MARCHF1: variants seen among roughly 807,000 people sequenced by gnomAD.
MARCHF1 encodes the protein membrane associated ring-CH-type finger 1.
A neutral mutation model predicts 54.2 loss-of-function variants in MARCHF1; 40 were observed. The observed-to-expected ratio is 0.74, with a 90% CI of 0.57 to 0.96. The LOEUF is 0.96. MARCHF1 is among the 40% of genes least tolerant of loss of function. The probability of loss-of-function intolerance (pLI) is 0.00; values close to 1 mark genes in which losing one functional copy is unlikely to be tolerated. For synonymous variants in MARCHF1, 236 were observed against 236.3 expected (o/e 1.00, Z 0.01); for missense variants, 586 against 656.5 (o/e 0.89, Z 1.17).
At chr4:164,308,663 C>T (rs979831445) in intron 1 of MARCHF1, among the ~76,000 whole-genome samples, 3 of 151,604 alleles carry the variant, frequency 2.0e-5, no homozygotes, top group Admixed American at 6.6e-5. Context: ...AACTTGAAAA[C>T]CTCTTAAAAT....
intron 4 of MARCHF1, among the ~76,000 whole-genome samples, chr4:163,804,269 G>T (rs761366455): frequency 2.0e-4 from 31 of 152,144 alleles, no homozygotes; most frequent in Non-Finnish European, 3.5e-4. Context: ...TAAAAAGCAA[G>T]CACACCAAAT....
chr4:163,967,626 AG>A (rs1752468732), intron 3 of MARCHF1, among the ~76,000 whole-genome samples: 1 of 152,158 alleles, frequency 6.6e-6, no homozygotes, highest in Non-Finnish European at 1.5e-5. Context: ...TGTCTTAGTC[AG>A]GGCTCTCCAG....
chr4:164,185,527 G>T (rs59324965), intron 1 of MARCHF1, among the ~76,000 whole-genome samples: 23,762 of 151,958 alleles, frequency 0.16, 2,628 homozygotes, highest in African/African-American at 0.3. Context: ...ATTAAGTACT[G>T]AGAGACATAA....
At chr4:164,295,207 T>G (rs1301395613) in intron 1 of MARCHF1, among the ~76,000 whole-genome samples, 2 of 152,216 alleles carry the variant, frequency 1.3e-5, no homozygotes, top group Non-Finnish European at 2.9e-5. Context: ...CAAAATCTGT[T>G]TGTGTACAAT....
At chr4:163,840,575 A>G (rs1260662314) in intron 4 of MARCHF1, among the ~76,000 whole-genome samples, 2 of 152,064 alleles carry the variant, frequency 1.3e-5, no homozygotes, top group Non-Finnish European at 2.9e-5. Flanking sequence ...GCAGAATAAA[A>G]GTATGATCTC....
rs1181530340 is a variant in MARCHF1, at chr4:164,051,458, CTG to C, written c.-248+60128_-248+60129del. On this transcript the variant is annotated intron_variant, in intron 2 of 9. Coordinates refer to ENST00000514618, the MANE Select transcript of MARCHF1 (RefSeq NM_001394959.1). ...GGTAGCAAATAAACCAAAATAGCAA[CTG>C]TGATTTCTACCTGGTGGGAGAATCC... Among the ~76,000 whole-genome samples, 9 of 152,124 alleles carry C rather than the reference CTG, an allele frequency of 5.9e-5. No individual in the cohort carries two copies. In the East Asian group the frequency reaches 1.5e-3, roughly 26 times the overall value.
chr4:164,258,102 G>A (rs903462199), intron 1 of MARCHF1, among the ~76,000 whole-genome samples: 19 of 152,192 alleles, frequency 1.2e-4, no homozygotes, highest in Non-Finnish European at 2.4e-4. Context: ...GTCCTTTGCA[G>A]GGACATGGAT....
At chr4:163,902,797 T>C (rs1750970432) in intron 3 of MARCHF1, among the ~76,000 whole-genome samples, 1 of 152,202 alleles carries the variant, frequency 6.6e-6, no homozygotes, top group Non-Finnish European at 1.5e-5. Context: ...TAAATGCTTT[T>C]TTTAGCCTCC....
chr4:164,225,976 A>G (rs75764592), intron 1 of MARCHF1, among the ~76,000 whole-genome samples: 1 of 152,212 alleles, frequency 6.6e-6, no homozygotes, highest in East Asian at 1.9e-4. Context: ...CAATATTACT[A>G]GTATATCAAG....
Position 164,382,492 on chromosome 4 carries a change from A to G in MARCHF1, c.-323+1378T>C, listed in dbSNP as rs534337281. Among the ~76,000 whole-genome samples, 290 of 152,326 alleles carry G rather than the reference A, an allele frequency of 1.9e-3. 1 individual carries two copies. The highest frequency in any genetic ancestry group is 6.8e-3 in the African/African-American group (281 of 41,544). ...CAAGGATTATTTACATTTAATATAC[A>G]TTAAATTCATACATACAAAATTACT... On this transcript the variant is annotated intron_variant, in intron 1 of 9. Transcript: ENST00000514618.
chr4:163,877,467 T>A (rs2111234087), intron 3 of MARCHF1, among the ~76,000 whole-genome samples: 1 of 150,670 alleles, frequency 6.6e-6, no homozygotes, highest in Non-Finnish European at 1.5e-5. Context: ...CACTGTTTTT[T>A]TTTTTTTTTC....
intron 2 of MARCHF1, among the ~76,000 whole-genome samples, chr4:164,057,778 T>C (rs531059642): frequency 2.0e-5 from 3 of 152,148 alleles, no homozygotes; most frequent in Non-Finnish European, 4.4e-5. Context: ...ATATAAACTA[T>C]CTTAATAAGG....
intron 2 of MARCHF1, among the ~76,000 whole-genome samples, chr4:164,026,619 C>T (rs1203010440): frequency 6.6e-6 from 1 of 152,096 alleles, no homozygotes; most frequent in Non-Finnish European, 1.5e-5. Context: ...GGCAAACCAA[C>T]AGCCAATCTC....
At chr4:164,296,642 T>C (rs1441660676) in intron 1 of MARCHF1, among the ~76,000 whole-genome samples, 1 of 152,170 alleles carries the variant, frequency 6.6e-6, no homozygotes, top group Non-Finnish European at 1.5e-5. Context: ...AGTGCTGGGA[T>C]TACAGGCATG....
intron 4 of MARCHF1, among the ~76,000 whole-genome samples, chr4:163,723,432 T>G (rs1462330432): frequency 3.3e-5 from 5 of 152,178 alleles, no homozygotes; most frequent in African/African-American, 1.2e-4. Flanking sequence ...GGTAACCCGA[T>G]CTTTCTCTCT....
intron 1 of MARCHF1, among the ~76,000 whole-genome samples, chr4:164,322,243 T>G (rs1188295046): frequency 6.6e-6 from 1 of 151,480 alleles, no homozygotes; most frequent in East Asian, 1.9e-4. Flanking sequence ...AGCCAAGGAG[T>G]AGTGTTGGGT....
chr4:164,345,194 T>G (rs1314843595), intron 1 of MARCHF1, among the ~76,000 whole-genome samples: 1 of 152,206 alleles, frequency 6.6e-6, no homozygotes, highest in African/African-American at 2.4e-5. Context: ...TACCCTGATC[T>G]GTTCACCATA....
At chr4:163,793,822 C>T (rs1443290455) in intron 4 of MARCHF1, among the ~76,000 whole-genome samples, 2 of 152,152 alleles carry the variant, frequency 1.3e-5, no homozygotes, top group Non-Finnish European at 2.9e-5. Flanking sequence ...CTTGCTCAGT[C>T]GATCACGACC....
At chr4:164,209,298 G>C (rs1731700513) in intron 1 of MARCHF1, among the ~76,000 whole-genome samples, 2 of 152,038 alleles carry the variant, frequency 1.3e-5, no homozygotes, top group South Asian at 4.2e-4. Flanking sequence ...TCTACCACTT[G>C]GACAATATAT....
Sources: allele counts gnomAD v4.1 joint callset (sites outside exome capture counted in the v4.1 genomes callset), GRCh38; gene constraint gnomAD v4.1.1; transcripts MANE v1.5; gene names NCBI Gene and HGNC (gene_info 2026-07-23, HGNC 2026-07-21).